ATP2B1: variants seen among roughly 807,000 people sequenced by gnomAD.
ATP2B1 encodes the protein plasma membrane calcium-transporting ATPase 1.
Under a neutral mutation model 124.2 loss-of-function variants are expected in ATP2B1, and 14 were observed. The observed-to-expected ratio is 0.11, with a 90% CI of 0.07 to 0.18. The LOEUF (loss-of-function observed/expected upper bound fraction) is 0.18. Among genes scored for constraint, ATP2B1 ranks in the 10% least tolerant of loss-of-function variants. The pLI, the probability that ATP2B1 is intolerant of heterozygous loss-of-function variation, is 1.00. For synonymous variants in ATP2B1, 449 were observed against 492.4 expected, an observed-to-expected ratio of 0.91 and a Z score of 1.17; for missense variants, 763 against 1,466.1, an observed-to-expected ratio of 0.52 and a Z score of 7.83.
chr12:89,642,397 T>C (rs770947459), intron 2 of ATP2B1, 42 bp from the exon 3 acceptor site: 7 of 1,530,940 alleles, frequency 4.6e-6, no homozygotes, highest in Non-Finnish European at 6.2e-6. Flanking sequence ...TTTTACTTCT[T>C]ACAAATGAAA....
chr12:89,606,646 T>C (rs911029414), intron 15 of ATP2B1, among the ~76,000 whole-genome samples: 1 of 147,638 alleles, frequency 6.8e-6, no homozygotes, highest in Non-Finnish European at 1.5e-5. Flanking sequence ...CGATCTCAGC[T>C]CACTGCAAGC....
chr12:89,673,245 T>C (rs1888212567), intron 1 of ATP2B1, among the ~76,000 whole-genome samples: 2 of 152,228 alleles, frequency 1.3e-5, no homozygotes, highest in Non-Finnish European at 2.9e-5. Flanking sequence ...TTTGTGAACC[T>C]ACAAGAGGGA....
rs74697353 is a variant in ATP2B1, at chr12:89,669,383, CA to C, written c.-221-13277del. Among the ~76,000 whole-genome samples the C allele has an allele frequency of 2.3e-3, 353 of 152,218 alleles. 13 individuals are homozygous for C. In the East Asian group the frequency reaches 0.059, roughly 26 times the overall value. On this transcript the variant is annotated intron_variant, in intron 1 of 20. Transcript: ENST00000428670. ...TGCCAGCAAAAAAGACTGTCAATCCCAAAGAAGCAAAGATTTTTTTCAGCAC... is the reference window on the plus strand; with the variant it reads ...TGCCAGCAAAAAAGACTGTCAATCCCAAGAAGCAAAGATTTTTTTCAGCAC...
chr12:89,647,393 A>G (rs78513252), intron 2 of ATP2B1, among the ~76,000 whole-genome samples: 2,513 of 152,336 alleles, frequency 0.016, 68 homozygotes, highest in African/African-American at 0.058. Context: ...TACTGTCTTT[A>G]TATTTGAAAA....
chr12:89,691,392 T>C lies in ATP2B1; in HGVS notation c.-222+17204A>G, dbSNP rs79082591. Reference sequence around the variant, plus strand: ...GTTTGAAGTCTGTGACTGTTATTAGTATGATACTCAAACTCTTCTCCATGT... The same window carrying C: ...GTTTGAAGTCTGTGACTGTTATTAGCATGATACTCAAACTCTTCTCCATGT... On this transcript the variant is annotated intron_variant, in intron 1 of 20. Coordinates refer to ENST00000428670, the MANE Select transcript of ATP2B1 (RefSeq NM_001366521.1). Among the ~76,000 whole-genome samples the C allele has an allele frequency of 2.7e-3, 404 of 152,276 alleles. 1 individual carries two copies. Among genetic ancestry groups the C allele is most frequent in the African/African-American group, 8.9e-3 (370 of 41,556 alleles).
chr12:89,681,381 A>AT (rs201477706), intron 1 of ATP2B1, among the ~76,000 whole-genome samples: 83,430 of 141,948 alleles, frequency 0.59, 25,239 homozygotes, highest in Admixed American at 0.7. Flanking sequence ...AATCCCTATA[A>AT]ATTTTTTTTT....
At chr12:89,679,413 G>A (rs898258511) in intron 1 of ATP2B1, among the ~76,000 whole-genome samples, 2 of 152,048 alleles carry the variant, frequency 1.3e-5, no homozygotes, top group Admixed American at 6.6e-5. Flanking sequence ...ACTTCATACC[G>A]TTGGAATCAG....
intron 13 of ATP2B1, 110 bp downstream of exon 13, chr12:89,611,083 T>C (rs1396866839): frequency 2.0e-6 from 2 of 1,005,338 alleles, no homozygotes; most frequent in Admixed American, 3.1e-5. Context: ...ACTGCATTTA[T>C]TTCATGCATG....
intron 3 of ATP2B1, among the ~76,000 whole-genome samples, chr12:89,638,035 A>T (rs954082012): frequency 9.2e-6 from 1 of 109,242 alleles, no homozygotes; most frequent in African/African-American, 3.3e-5. Flanking sequence ...AATAATCTTG[A>T]AATAGTACAA....
chr12:89,641,800 A>T (rs1232038084), intron 3 of ATP2B1: 3 of 165,714 alleles, frequency 1.8e-5, no homozygotes, highest in African/African-American at 7.2e-5. Flanking sequence ...ACATTTTCCA[A>T]AAGAAACCAA....
chr12:89,665,336 T>C (rs1887180737), intron 1 of ATP2B1, among the ~76,000 whole-genome samples: 1 of 152,196 alleles, frequency 6.6e-6, no homozygotes. Context: ...TGATACATTC[T>C]GAACATATGT....
chr12:89,697,730 GT>G (rs1319261834), intron 1 of ATP2B1, among the ~76,000 whole-genome samples: 3 of 95,696 alleles, frequency 3.1e-5, no homozygotes, highest in Non-Finnish European at 6.0e-5. Flanking sequence ...CACCCCCACC[GT>G]TTTTTCAAAT....
At position 89,599,384 on chromosome 12, in the gene ATP2B1, T is replaced by A. The variant is rs1875343504; in HGVS notation, c.3169-85A>T. On this transcript the variant is annotated intron_variant, in intron 19 of 20. Coordinates refer to ENST00000428670, the MANE Select transcript of ATP2B1 (RefSeq NM_001366521.1). ...ACTGTAATACTAAAGGTATTAAAAG[T>A]GGTGAGAGTATCCGACTATCTTTAC... The A allele has an allele frequency of 2.4e-5, 34 of 1,416,378 alleles. No homozygotes were observed. In the South Asian group the frequency reaches 4.0e-4, roughly 17 times the overall value. 87.7% of individuals were successfully genotyped at this position (1,416,378 alleles called of 1,614,324 possible). A position where few individuals can be genotyped will look rare whatever the true frequency, so the allele number is the denominator to read the frequency against.
At chr12:89,619,888 T>G (rs991122225) in intron 11 of ATP2B1, 111 bp downstream of exon 11, 20 of 1,373,418 alleles carry the variant, frequency 1.5e-5, no homozygotes, top group Non-Finnish European at 2.0e-5. Context: ...AACTCTGAGG[T>G]CCTATCAAAT....
At chr12:89,600,170 G>A (rs369037444) in intron 19 of ATP2B1, among the ~76,000 whole-genome samples, 1 of 152,182 alleles carries the variant, frequency 6.6e-6, no homozygotes, top group African/African-American at 2.4e-5. Context: ...AAATAGATAA[G>A]AAACCTCAGA....
chr12:89,660,949 C>T (rs1886627411), intron 1 of ATP2B1, among the ~76,000 whole-genome samples: 1 of 152,058 alleles, frequency 6.6e-6, no homozygotes, highest in Non-Finnish European at 1.5e-5. Context: ...AGTTTTAATA[C>T]ATGTCTCAGA....
chr12:89,611,372 C>A lies in ATP2B1; in HGVS notation c.2068G>T (p.Val690Leu). ...VGIEDPVRPE[V>L]PDAIKKCQRA... ...TGACACTTTTTAATTGCATCTGGCA[C>A]CTGGTTTACATTAAAAAAAAAAATT... Residue 690 changes from valine to leucine, a missense_variant and splice_region_variant, in exon 13 of 21, where the codon GTG becomes TTG. Coordinates refer to ENST00000428670, the MANE Select transcript of ATP2B1 (RefSeq NM_001366521.1). 2 of 1,499,692 alleles carry A rather than the reference C, an allele frequency of 1.3e-6. No individual in the cohort carries two copies. The highest frequency in any genetic ancestry group is 1.4e-5 in the South Asian group (1 of 71,988). The allele number at this position is 1,499,692 out of a possible 1,614,324, so 92.9% of individuals were successfully genotyped here.
chr12:89,647,475 T>C (rs1194737058), intron 2 of ATP2B1, among the ~76,000 whole-genome samples: 1 of 152,182 alleles, frequency 6.6e-6, no homozygotes, highest in African/African-American at 2.4e-5. Flanking sequence ...AGCATCCCAA[T>C]TGCAGGCACT....
At chr12:89,680,864 A>G (rs1285147597) in intron 1 of ATP2B1, among the ~76,000 whole-genome samples, 1 of 152,202 alleles carries the variant, frequency 6.6e-6, no homozygotes, top group East Asian at 1.9e-4. Flanking sequence ...AAAAAGTAAG[A>G]AAACTAGACT....
Sources: allele counts gnomAD v4.1 joint callset (sites outside exome capture counted in the v4.1 genomes callset), GRCh38; gene constraint gnomAD v4.1.1; transcripts MANE v1.5; gene names NCBI Gene and HGNC (gene_info 2026-07-23, HGNC 2026-07-21).